Variants in MYO9A observed in about 807,000 individuals in gnomAD.
MYO9A encodes the protein unconventional myosin-IXa.
In MYO9A, 103 loss-of-function variants were observed where a neutral mutation model predicts 293.3. The ratio of observed to expected loss-of-function variants is 0.35; its 90% CI spans 0.30 to 0.41. The LOEUF is 0.41. Ranked by LOEUF, MYO9A falls within the 10% of genes least tolerant of loss-of-function variation. The probability of loss-of-function intolerance (pLI) is 1.00; values close to 1 mark genes in which losing one functional copy is unlikely to be tolerated. For synonymous variants in MYO9A, 1,001 were observed against 1,035.7 expected (o/e 0.97, Z 0.64); for missense variants, 2,685 against 3,033.0 (o/e 0.89, Z 2.69).
chr15:72,088,499 G>C (rs538386730), intron 1 of MYO9A, among the ~76,000 whole-genome samples: 82 of 152,236 alleles, frequency 5.4e-4, no homozygotes, highest in African/African-American at 1.8e-3. Context: ...CATTGTCAGA[G>C]GTCTACTTTC....
At chr15:71,978,082 T>C in intron 12 of MYO9A, 89 bp downstream of exon 12, 2 of 1,467,740 alleles carry the variant, frequency 1.4e-6, no homozygotes, top group Non-Finnish European at 1.9e-6. Context: ...TTTGGCTCTT[T>C]ATTTGGTAAT....
chr15:72,079,644 C>T (rs1275313716), intron 1 of MYO9A, among the ~76,000 whole-genome samples: 1 of 152,074 alleles, frequency 6.6e-6, no homozygotes, highest in Non-Finnish European at 1.5e-5. Context: ...CTATGGAAAA[C>T]CAACACTACT....
Position 71,876,425 on chromosome 15 carries a change from A to ATT in MYO9A, c.5932-589_5932-588dup, listed in dbSNP as rs397854202. Among the ~76,000 whole-genome samples, 511 of 61,076 alleles carry ATT rather than the reference A, an allele frequency of 8.4e-3. 91 individuals carry two copies. Among genetic ancestry groups the ATT allele is most frequent in the African/African-American group, 0.041 (477 of 11,670 alleles). The allele number at this position is 61,076 out of a possible 152,430, so 40.1% of individuals were successfully genotyped here. ...GCTTGAGCCACCACGCCTGGCTGGTATTTTTTTTTTTTTTTTTTTTTTTTT... is the reference window on the plus strand; with the variant it reads ...GCTTGAGCCACCACGCCTGGCTGGTATTTTTTTTTTTTTTTTTTTTTTTTTTT... On this transcript the variant is annotated intron_variant, in intron 31 of 41. Transcript: ENST00000356056.
intron 14 of MYO9A, among the ~76,000 whole-genome samples, chr15:71,956,400 A>G (rs2059193767): frequency 2.1e-5 from 3 of 143,210 alleles, no homozygotes. Context: ...GAACTTTGGG[A>G]GGCCGAGGCA....
At chr15:72,066,723 T>C (rs1347718408) in intron 1 of MYO9A, among the ~76,000 whole-genome samples, 1 of 151,956 alleles carries the variant, frequency 6.6e-6, no homozygotes, top group Admixed American at 6.6e-5. Context: ...TATATACATA[T>C]GTAAGAAATT....
At chr15:71,836,578 C>T (rs2064475838) in intron 39 of MYO9A, among the ~76,000 whole-genome samples, 1 of 151,962 alleles carries the variant, frequency 6.6e-6, no homozygotes, top group African/African-American at 2.4e-5. Context: ...ACCCAAATGT[C>T]CATCAACAGT....
At chr15:72,114,920 TCTG>T (rs2080914545) in intron 1 of MYO9A, among the ~76,000 whole-genome samples, 1 of 152,238 alleles carries the variant, frequency 6.6e-6, no homozygotes, top group Admixed American at 6.5e-5. Context: ...CCTACATTTC[TCTG>T]CTATTAAAGA....
chr15:72,103,087 C>T (rs1230389200), intron 1 of MYO9A, among the ~76,000 whole-genome samples: 1 of 146,336 alleles, frequency 6.8e-6, no homozygotes, highest in Non-Finnish European at 1.5e-5. Flanking sequence ...TCAAGTGATT[C>T]TCCTCGGCTG....
intron 39 of MYO9A, 63 bp downstream of exon 39, chr15:71,848,782 A>G (rs1277805014): frequency 1.9e-6 from 3 of 1,542,786 alleles, no homozygotes; most frequent in Non-Finnish European, 2.6e-6. Context: ...ATACACCACA[A>G]AAGCACATTT....
At chr15:71,885,168 G>A (rs920557516) in intron 27 of MYO9A, among the ~76,000 whole-genome samples, 4 of 151,702 alleles carry the variant, frequency 2.6e-5, no homozygotes, top group Non-Finnish European at 4.4e-5. Flanking sequence ...CATACTCATG[G>A]CCACAGATAA....
chr15:71,925,122 C>T (rs1476025713), intron 18 of MYO9A, among the ~76,000 whole-genome samples: 1 of 147,990 alleles, frequency 6.8e-6, no homozygotes, highest in Non-Finnish European at 1.5e-5. Context: ...CTATCTCTCT[C>T]TCCCTTTAGG....
At chr15:72,036,515 C>G (rs2078051846) in intron 2 of MYO9A, 1 of 151,460 alleles carries the variant, frequency 6.6e-6, no homozygotes, top group African/African-American at 2.4e-5. Context: ...TTCTCTTTAG[C>G]TCCACACTGA....
At chr15:72,063,839 T>C (rs947690763) in intron 1 of MYO9A, among the ~76,000 whole-genome samples, 7 of 152,166 alleles carry the variant, frequency 4.6e-5, no homozygotes, top group Non-Finnish European at 1.0e-4. Context: ...TATATCAAAG[T>C]GGTATCTGCA....
intron 19 of MYO9A, among the ~76,000 whole-genome samples, chr15:71,906,109 C>T (rs892786081): frequency 4.6e-5 from 7 of 151,818 alleles, no homozygotes; most frequent in Admixed American, 1.3e-4. Flanking sequence ...ATTTAGAAGT[C>T]GCTTTTACAT....
At position 71,826,603 on chromosome 15, in the gene MYO9A, C is replaced by T. The variant is rs746187136; in HGVS notation, c.7624G>A (p.Gly2542Arg). 3.1e-6 allele frequency: 5 copies of T among 1,597,234 alleles called. No individual in the cohort carries two copies. The South Asian group carries it at 5.7e-5, about 18-fold the overall frequency. Residue 2542 changes from glycine (G) to arginine (R), a missense_variant, in exon 42 of 42, where the codon GGA (glycine) becomes AGA (arginine). This residue lies in a region of MYO9A where 350 missense variants were observed against 328.9 expected (regional missense o/e 1.06). Transcript: ENST00000356056. Reference sequence around the variant, plus strand: ...GTTCAGACCATAAATTCATTATTTCCAAAGAGTGCTAGCTGTTGGTTGGAG... The same window carrying T: ...GTTCAGACCATAAATTCATTATTTCTAAAGAGTGCTAGCTGTTGGTTGGAG... ...CTSNQQLALFGNNEFMV is the reference protein window; with the variant it reads ...CTSNQQLALFRNNEFMV
intron 3 of MYO9A, among the ~76,000 whole-genome samples, chr15:72,030,741 C>T (rs2077838491): frequency 6.6e-6 from 1 of 152,100 alleles, no homozygotes; most frequent in South Asian, 2.1e-4. Flanking sequence ...CCAGGTGAGT[C>T]TCCAACTCCT....
chr15:71,893,964 T>C (rs1477543796), intron 25 of MYO9A, among the ~76,000 whole-genome samples, 186 bp from the exon 26 acceptor site: 3 of 152,188 alleles, frequency 2.0e-5, no homozygotes, highest in Non-Finnish European at 4.4e-5. Flanking sequence ...TAAGACTGAA[T>C]TACTAAAGGC....
intron 9 of MYO9A, among the ~76,000 whole-genome samples, chr15:71,999,520 G>A (rs1320101964): frequency 1.3e-5 from 2 of 152,042 alleles, no homozygotes; most frequent in African/African-American, 4.8e-5. Context: ...AGAAGAAACT[G>A]TCTCAAGAAG....
At chr15:71,875,656 G>T in intron 32 of MYO9A, 135 bp downstream of exon 32, 1 of 389,232 alleles carries the variant, frequency 2.6e-6, no homozygotes, top group Non-Finnish European at 4.6e-6. Flanking sequence ...TTTTTGTAAA[G>T]ATATAAATAT....
Sources: allele counts gnomAD v4.1 joint callset (sites outside exome capture counted in the v4.1 genomes callset), GRCh38; gene constraint gnomAD v4.1.1; regional missense constraint gnomAD v4.1.1; transcripts MANE v1.5; gene names NCBI Gene and HGNC (gene_info 2026-07-23, HGNC 2026-07-21).